The following MGAT4C variants were observed in gnomAD, a reference collection of about 807,000 sequenced individuals.
The protein encoded by MGAT4C is MGAT4 family member C.
Under a neutral mutation model 40.1 loss-of-function variants are expected in MGAT4C, and 19 were observed. The ratio of observed to expected loss-of-function variants is 0.47; its 90% CI spans 0.33 to 0.70. The LOEUF (loss-of-function observed/expected upper bound fraction) is 0.70. MGAT4C is among the 30% of genes least tolerant of loss of function. The pLI, the probability that MGAT4C is intolerant of heterozygous loss-of-function variation, is 0.02. For missense variants in MGAT4C, 491 were observed against 563.2 expected (o/e 0.87, Z 1.30); for synonymous variants, 181 against 187.1 (o/e 0.97, Z 0.27).
intron 4 of MGAT4C, among the ~76,000 whole-genome samples, chr12:86,293,554 T>C (rs1163826761): frequency 6.6e-6 from 1 of 151,382 alleles, no homozygotes; most frequent in African/African-American, 2.4e-5. Flanking sequence ...TTCTTATTTC[T>C]TGCTTTGTTC....
At chr12:86,150,433 C>A (rs922830249) in intron 1 of MGAT4C, among the ~76,000 whole-genome samples, 1 of 152,202 alleles carries the variant, frequency 6.6e-6, no homozygotes, top group Admixed American at 6.5e-5. Flanking sequence ...ACTGTCCCTG[C>A]ACTTCCACTC....
chr12:86,227,291 T>C (rs1020216996), intron 1 of MGAT4C, among the ~76,000 whole-genome samples: 3 of 151,940 alleles, frequency 2.0e-5, no homozygotes, highest in African/African-American at 7.2e-5. Context: ...GAATCCTAAA[T>C]TAGAATCACT....
At chr12:86,707,073 TC>T (rs1950471453) in intron 2 of MGAT4C, among the ~76,000 whole-genome samples, 1 of 152,196 alleles carries the variant, frequency 6.6e-6, no homozygotes, top group Non-Finnish European at 1.5e-5. Context: ...AAACTGTAAG[TC>T]CTTTAAACCT....
chr12:86,658,019 A>G (rs1963891955), intron 2 of MGAT4C, among the ~76,000 whole-genome samples: 1 of 151,998 alleles, frequency 6.6e-6, no homozygotes, highest in African/African-American at 2.4e-5. Flanking sequence ...TCTGCCTTTA[A>G]AAGTTGGAAA....
rs1216348165 is a variant in MGAT4C at position 86,803,492 on chromosome 12, A to G, written c.-262+35174T>C. 7.2e-5 allele frequency among the ~76,000 whole-genome samples: 11 copies of G among 152,230 alleles called. No homozygotes were observed. In the East Asian group the frequency reaches 9.7e-4, roughly 13 times the overall value. ...AGTGAACAGGCAACCTACAACATGGAAGAAAATTTTCCCAACCTACTCATC... is the reference window on the plus strand; with the variant it reads ...AGTGAACAGGCAACCTACAACATGGGAGAAAATTTTCCCAACCTACTCATC... On this transcript the variant is annotated intron_variant, in intron 1 of 7. Transcript: ENST00000548651.
intron 1 of MGAT4C, among the ~76,000 whole-genome samples, chr12:86,083,911 G>T (rs1871288737): frequency 6.6e-6 from 1 of 152,026 alleles, no homozygotes; most frequent in Admixed American, 6.6e-5. Context: ...ATTGAGAGAA[G>T]AGATGTTTAC....
intron 2 of MGAT4C, among the ~76,000 whole-genome samples, chr12:86,494,538 A>G (rs1415317255): frequency 2.0e-5 from 3 of 151,818 alleles, no homozygotes; most frequent in African/African-American, 7.2e-5. Context: ...TATTAAAGAA[A>G]TATATTTTAT....
rs375433769 is a variant in MGAT4C at position 86,254,612 on chromosome 12, GA to G, written c.-57+1626del. 1.6e-4 allele frequency among the ~76,000 whole-genome samples: 25 copies of G among 151,894 alleles called. No homozygotes were observed. In the South Asian group the frequency reaches 4.6e-3, roughly 28 times the overall value. ...CTTCACTATAGAGTACTTAGGGAAAGAAAAAAAATTCATTTCAAAGCAGTGA... is the reference window on the plus strand; with the variant it reads ...CTTCACTATAGAGTACTTAGGGAAAGAAAAAAATTCATTTCAAAGCAGTGA... On this transcript the variant is annotated intron_variant, in intron 1 of 4. Coordinates refer to ENST00000611864, the MANE Select transcript of MGAT4C (RefSeq NM_001351288.2).
chr12:86,319,385 C>A (rs1954322717), intron 4 of MGAT4C, among the ~76,000 whole-genome samples: 2 of 152,082 alleles, frequency 1.3e-5, no homozygotes, highest in African/African-American at 4.8e-5. Flanking sequence ...TCTCATGTCA[C>A]CCCAGCAACC....
intron 1 of MGAT4C, among the ~76,000 whole-genome samples, chr12:86,746,584 CT>C (rs750736184): frequency 1.3e-5 from 2 of 151,736 alleles, no homozygotes; most frequent in Non-Finnish European, 2.9e-5. Context: ...CTATTATTCA[CT>C]GAAATACTAA....
intron 2 of MGAT4C, among the ~76,000 whole-genome samples, chr12:86,567,235 G>T (rs1476611139): frequency 6.6e-6 from 1 of 152,084 alleles, no homozygotes; most frequent in African/African-American, 2.4e-5. Flanking sequence ...TGGTGACTCA[G>T]TAGCAATTTT....
At chr12:86,153,893 C>T (rs147939979) in intron 1 of MGAT4C, among the ~76,000 whole-genome samples, 9 of 152,238 alleles carry the variant, frequency 5.9e-5, no homozygotes, top group African/African-American at 1.9e-4. Flanking sequence ...CTAATACACT[C>T]CCCATGCTCC....
intron 2 of MGAT4C, among the ~76,000 whole-genome samples, chr12:86,540,195 ACTACTGAAG>A (rs370134033): frequency 6.6e-6 from 1 of 152,176 alleles, no homozygotes; most frequent in African/African-American, 2.4e-5. Flanking sequence ...ATTAAGTGTG[ACTACTGAAG>A]CTAGGTATTT....
chr12:86,677,959 C>T (rs1949899241), intron 2 of MGAT4C, among the ~76,000 whole-genome samples: 3 of 152,044 alleles, frequency 2.0e-5, no homozygotes, highest in Non-Finnish European at 4.4e-5. Flanking sequence ...TCTTTTTCTT[C>T]TACCTTTACA....
At chr12:86,104,970 C>A (rs1216347143) in intron 1 of MGAT4C, among the ~76,000 whole-genome samples, 1 of 152,012 alleles carries the variant, frequency 6.6e-6, no homozygotes, top group Non-Finnish European at 1.5e-5. Flanking sequence ...GTATCCTCAC[C>A]TTAACTATCC....
chr12:86,294,412 G>A (rs1953609479), intron 4 of MGAT4C, among the ~76,000 whole-genome samples: 1 of 151,232 alleles, frequency 6.6e-6, no homozygotes, highest in Non-Finnish European at 1.5e-5. Flanking sequence ...TCTTATTCCA[G>A]AACTTTGCTT....
intron 1 of MGAT4C, among the ~76,000 whole-genome samples, chr12:86,791,787 G>A (rs964708138): frequency 3.9e-5 from 6 of 152,098 alleles, no homozygotes; most frequent in African/African-American, 1.4e-4. Flanking sequence ...AGAGTGCTCT[G>A]AGGAAACTGT....
At chr12:86,231,524 A>G (rs1382632310) in intron 1 of MGAT4C, among the ~76,000 whole-genome samples, 6 of 152,208 alleles carry the variant, frequency 3.9e-5, no homozygotes, top group East Asian at 1.9e-4. Flanking sequence ...AGTATGTACA[A>G]CAATCATCAC....
At chr12:86,271,396 T>G (rs1952942677) in intron 4 of MGAT4C, among the ~76,000 whole-genome samples, 1 of 152,082 alleles carries the variant, frequency 6.6e-6, no homozygotes, top group Non-Finnish European at 1.5e-5. Flanking sequence ...AAAACACAAA[T>G]GGCCACAGGT....
Sources: allele counts gnomAD v4.1 joint callset (sites outside exome capture counted in the v4.1 genomes callset), GRCh38; gene constraint gnomAD v4.1.1; transcripts MANE v1.5; gene names NCBI Gene and HGNC (gene_info 2026-07-23, HGNC 2026-07-21).